Variants in ERC2 observed in about 807,000 individuals in gnomAD.
ERC2 encodes the protein ERC protein 2.
In ERC2, 42 loss-of-function variants were observed where a neutral mutation model predicts 114.8. That is an observed-to-expected ratio of 0.37 (90% confidence interval 0.29 to 0.47). The LOEUF (loss-of-function observed/expected upper bound fraction) is 0.47, where lower values mean the gene tolerates loss of function less well. Among genes scored for constraint, ERC2 ranks in the 20% least tolerant of loss-of-function variants. ERC2 has a pLI of 0.99. For missense variants in ERC2, 939 were observed against 1,150.7 expected (o/e 0.82, Z 2.66); for synonymous variants, 454 against 425.5 (o/e 1.07, Z -0.82).
At chr3:55,601,514 G>C (rs1371446238) in intron 17 of ERC2, among the ~76,000 whole-genome samples, 1 of 152,190 alleles carries the variant, frequency 6.6e-6, no homozygotes, top group East Asian at 1.9e-4. Context: ...CACACTGGTT[G>C]TGTGCAAACA....
At chr3:55,525,309 T>C (rs1360812370) in intron 17 of ERC2, among the ~76,000 whole-genome samples, 1 of 152,170 alleles carries the variant, frequency 6.6e-6, no homozygotes, top group Admixed American at 6.5e-5. Flanking sequence ...GGGCCAGGAC[T>C]GGGGATTTGA....
rs143734020 is a variant in ERC2 at position 55,666,490 on chromosome 3, G to A, written c.*39+17304C>T. 6.4e-3 allele frequency among the ~76,000 whole-genome samples: 971 copies of A among 152,258 alleles called. 36 individuals are homozygous for A. Among genetic ancestry groups the A allele is most frequent in the Admixed American group, 0.058 (891 of 15,292 alleles). ...AGTCTGTGAGGTTCCTTCAGTCTGC[G>A]GGTCAAACTCTGATAATGTTCAAAG... is the stretch of plus-strand genomic sequence containing the variant. On this transcript the variant is annotated intron_variant, in intron 17 of 17. Transcript: ENST00000288221.
At chr3:56,095,283 G>C (rs541009584) in intron 6 of ERC2, among the ~76,000 whole-genome samples, 73 of 152,082 alleles carry the variant, frequency 4.8e-4, no homozygotes, top group African/African-American at 1.7e-3. Context: ...AAGAAAATAT[G>C]GGGGCCCTTC....
intron 14 of ERC2, among the ~76,000 whole-genome samples, chr3:55,867,884 G>C (rs911711062): frequency 2.0e-5 from 3 of 152,096 alleles, no homozygotes; most frequent in Non-Finnish European, 4.4e-5. Flanking sequence ...TTTTGTATAA[G>C]AATTATTCTT....
chr3:55,909,706 C>T (rs1049926163), intron 13 of ERC2, among the ~76,000 whole-genome samples: 4 of 152,252 alleles, frequency 2.6e-5, no homozygotes, highest in African/African-American at 9.6e-5. Flanking sequence ...AGACCACAGG[C>T]CTTCCCTCAA....
rs891844668 is a variant in ERC2, at chr3:56,087,185, G to T, written c.1474-6201C>A. On this transcript the variant is annotated intron_variant, in intron 6 of 17. Coordinates refer to ENST00000288221, the MANE Select transcript of ERC2 (RefSeq NM_015576.3). ...TCATTTCCTTTTGATCCATTTGTGT[G>T]TGTGTGTGTGTGTGTGTGTGTGTGT... Among the ~76,000 whole-genome samples, 6 of 69,850 alleles carry T rather than the reference G, an allele frequency of 8.6e-5. No homozygotes were observed. The Admixed American group carries it at 8.7e-4, about 10-fold the overall frequency. The allele number at this position is 69,850 out of a possible 152,430, so 45.8% of individuals were successfully genotyped here. A position where few individuals can be genotyped will look rare whatever the true frequency, so the allele number is the denominator to read the frequency against.
At chr3:55,888,954 GT>G (rs2063486354) in intron 13 of ERC2, among the ~76,000 whole-genome samples, 3 of 152,190 alleles carry the variant, frequency 2.0e-5, no homozygotes, top group Non-Finnish European at 2.9e-5. Context: ...CTTAAAAAAT[GT>G]TTCAAACACA....
At chr3:56,402,615 C>G (rs932387101) in intron 2 of ERC2, among the ~76,000 whole-genome samples, 2 of 152,198 alleles carry the variant, frequency 1.3e-5, no homozygotes, top group Non-Finnish European at 2.9e-5. Flanking sequence ...CACTTCTCCT[C>G]CCACCACTGT....
intron 6 of ERC2, among the ~76,000 whole-genome samples, chr3:56,094,054 C>G (rs966932666): frequency 6.6e-5 from 10 of 152,298 alleles, no homozygotes; most frequent in African/African-American, 2.4e-4. Flanking sequence ...ATTGATTTAA[C>G]TTACCTTTCC....
chr3:56,373,450 C>T (rs971588405), intron 2 of ERC2, among the ~76,000 whole-genome samples: 2 of 152,266 alleles, frequency 1.3e-5, no homozygotes, highest in Middle Eastern at 3.4e-3. Flanking sequence ...AATTTGAATA[C>T]AGGATATGAA....
chr3:56,464,663 C>A (rs1465979571), intron 1 of ERC2, among the ~76,000 whole-genome samples: 2 of 152,024 alleles, frequency 1.3e-5, no homozygotes, highest in African/African-American at 4.8e-5. Flanking sequence ...GTGAGTTCTA[C>A]CTTTGGATCA....
chr3:56,430,231 C>T (rs2061735349), intron 2 of ERC2, among the ~76,000 whole-genome samples: 2 of 152,192 alleles, frequency 1.3e-5, no homozygotes, highest in African/African-American at 2.4e-5. Context: ...TAAGAAACCA[C>T]AATCAAATGT....
At chr3:56,069,239 T>G (rs1312889343) in intron 7 of ERC2, among the ~76,000 whole-genome samples, 5 of 152,196 alleles carry the variant, frequency 3.3e-5, no homozygotes, top group African/African-American at 9.7e-5. Context: ...CGGTGCCACT[T>G]TAGTGGACCA....
chr3:55,784,874 A>C (rs2069357921), intron 14 of ERC2, among the ~76,000 whole-genome samples: 1 of 152,224 alleles, frequency 6.6e-6, no homozygotes, highest in South Asian at 2.1e-4. Flanking sequence ...ATGCCAACAA[A>C]ACAAACGGTT....
chr3:55,973,090 C>A (rs964042606), intron 12 of ERC2, among the ~76,000 whole-genome samples: 2 of 152,056 alleles, frequency 1.3e-5, no homozygotes, highest in African/African-American at 4.8e-5. Flanking sequence ...GCCCATCCTG[C>A]GAGGAGGAGG....
rs372957317 is a variant in ERC2 at position 56,027,303 on chromosome 3, C to T, written c.1642-8272G>A. The stretch of plus-strand genomic sequence containing the variant: ...ACTACGGGTTTTATTTTTTCGGTGA[C>T]GTAAGTTTTCACTTTTCTGGGACAA... On this transcript the variant is annotated intron_variant, in intron 7 of 17. Transcript: ENST00000288221. 4.2e-4 allele frequency among the ~76,000 whole-genome samples: 64 copies of T among 152,228 alleles called. 1 individual carries two copies. The highest frequency in any genetic ancestry group is 2.5e-3 in the East Asian group (13 of 5,174).
At chr3:55,957,191 C>T (rs1330492868) in intron 12 of ERC2, among the ~76,000 whole-genome samples, 4 of 152,000 alleles carry the variant, frequency 2.6e-5, no homozygotes, top group African/African-American at 9.7e-5. Flanking sequence ...GCCCCACTAG[C>T]AAAACCCTCC....
At chr3:55,763,328 A>G (rs1301424654) in intron 14 of ERC2, among the ~76,000 whole-genome samples, 1 of 152,200 alleles carries the variant, frequency 6.6e-6, no homozygotes, top group Non-Finnish European at 1.5e-5. Context: ...AACTTATGGA[A>G]CAGATGTCTA....
intron 17 of ERC2, among the ~76,000 whole-genome samples, chr3:55,664,708 C>T (rs1559469209): frequency 1.3e-5 from 2 of 152,330 alleles, no homozygotes; most frequent in Admixed American, 6.5e-5. Flanking sequence ...TGCCTACATA[C>T]CGCGGCCCAG....
Sources: gnomAD v4.1 joint callset for allele counts (sites outside exome capture counted in the v4.1 genomes callset) on GRCh38, gnomAD v4.1.1 for gene constraint, MANE v1.5 for transcripts, NCBI Gene and HGNC (gene_info 2026-07-23, HGNC 2026-07-21) for gene names.